ODAD2: variants seen among roughly 807,000 people sequenced by gnomAD.
The protein encoded by ODAD2 is outer dynein arm-docking complex subunit 2.
A neutral mutation model predicts 106.8 loss-of-function variants in ODAD2; 89 were observed. That is an observed-to-expected ratio of 0.83 (90% CI 0.70 to 0.99). ODAD2 has a LOEUF of 0.99. Among genes scored for constraint, ODAD2 ranks in the 50% least tolerant of loss-of-function variants. The pLI is 0.00. For synonymous variants in ODAD2, 404 were observed against 436.2 expected (o/e 0.93, Z 0.92); for missense variants, 1,168 against 1,238.5 (o/e 0.94, Z 0.85).
intron 1 of ODAD2, among the ~76,000 whole-genome samples, chr10:27,998,170 A>G (rs1437649362): frequency 6.6e-6 from 1 of 152,216 alleles, no homozygotes; most frequent in African/African-American, 2.4e-5. Context: ...GATCTATGAA[A>G]TGTGGTTGGT....
chr10:27,880,012 C>T lies in ODAD2; in HGVS notation c.2611-17390G>A, dbSNP rs1382378998. Among the ~76,000 whole-genome samples the T allele has an allele frequency of 5.9e-5, 9 of 152,240 alleles. No individual in the cohort carries two copies. In the South Asian group the frequency reaches 1.5e-3, roughly 25 times the overall value. On this transcript the variant is annotated intron_variant, in intron 17 of 19. Coordinates refer to ENST00000305242, the MANE Select transcript of ODAD2 (RefSeq NM_018076.5). ...GTGGTCCGACAAGAGCAGAGTGTAG[C>T]GGAATTCTTATCTTCTATGATCTAG...
At chr10:27,874,604 T>C (rs1256142712) in intron 17 of ODAD2, among the ~76,000 whole-genome samples, 1 of 152,212 alleles carries the variant, frequency 6.6e-6, no homozygotes, top group Non-Finnish European at 1.5e-5. Context: ...TATTTCTCCT[T>C]CACTTATGAA....
chr10:27,966,503 T>C (rs1848497923), intron 9 of ODAD2, among the ~76,000 whole-genome samples: 1 of 152,180 alleles, frequency 6.6e-6, no homozygotes. Context: ...AATCCTTTGA[T>C]AGCTAACTTT....
intron 6 of ODAD2, chr10:27,981,802 T>C: frequency 2.7e-6 from 1 of 366,248 alleles, no homozygotes; most frequent in Non-Finnish European, 4.8e-6. Flanking sequence ...CAATTGTTCA[T>C]TCATTCAGCA....
At chr10:27,824,618 G>A (rs1836895605) in intron 19 of ODAD2, among the ~76,000 whole-genome samples, 1 of 152,150 alleles carries the variant, frequency 6.6e-6, no homozygotes, top group Non-Finnish European at 1.5e-5. Context: ...GGTAAGCAAA[G>A]ACATGAATTA....
rs564315328 is a variant in ODAD2 at position 27,944,144 on chromosome 10, T to A, written c.1743+78A>T. 2.7e-5 allele frequency: 34 copies of A among 1,265,414 alleles called. No homozygotes were observed. The South Asian group carries it at 4.2e-4, about 16-fold the overall frequency. 78.4% of individuals were successfully genotyped at this position (1,265,414 alleles called of 1,614,324 possible). On this transcript the variant is annotated intron_variant, in intron 12 of 19. Coordinates refer to ENST00000305242, the MANE Select transcript of ODAD2 (RefSeq NM_018076.5). ...TCTCATGGCTATGGAATTTCCAGCG[T>A]GGCCAGAAAGGACAGCAAGGAGCTG... is the stretch of plus-strand genomic sequence containing the variant.
chr10:27,869,527 CT>C (rs1273256511), intron 17 of ODAD2, among the ~76,000 whole-genome samples: 2 of 131,472 alleles, frequency 1.5e-5, no homozygotes. Flanking sequence ...ACTTTTTTTT[CT>C]TTTTTCTTTT....
chr10:27,902,487 C>CA (rs1056344600), intron 17 of ODAD2, among the ~76,000 whole-genome samples: 105 of 152,090 alleles, frequency 6.9e-4, no homozygotes, highest in African/African-American at 2.1e-3. Flanking sequence ...AAAAACTCTT[C>CA]AAAAAATCAA....
chr10:27,872,091 C>A (rs1406950034), intron 17 of ODAD2, among the ~76,000 whole-genome samples: 2 of 151,932 alleles, frequency 1.3e-5, no homozygotes, highest in East Asian at 3.9e-4. Flanking sequence ...AAGTTGGATC[C>A]CTAGGTATTT....
chr10:27,894,277 G>A (rs7100494), intron 17 of ODAD2, among the ~76,000 whole-genome samples: 100,797 of 151,824 alleles, frequency 0.66, 33,770 homozygotes, highest in Middle Eastern at 0.74. Flanking sequence ...ACCAAGTGGG[G>A]AAAGTTTTGG....
intron 17 of ODAD2, among the ~76,000 whole-genome samples, chr10:27,868,233 G>T (rs1181324969): frequency 1.3e-5 from 2 of 152,158 alleles, no homozygotes; most frequent in Non-Finnish European, 2.9e-5. Flanking sequence ...GTTGGTGGGA[G>T]TGTAAATTAG....
chr10:27,897,190 C>T (rs1564478433), intron 17 of ODAD2, among the ~76,000 whole-genome samples: 2 of 152,070 alleles, frequency 1.3e-5, no homozygotes, highest in Admixed American at 1.3e-4. Flanking sequence ...CTTTACTTCA[C>T]TCTGTCATTG....
Position 27,998,557 on chromosome 10 carries a change from G to A in ODAD2, c.-39+437C>T, listed in dbSNP as rs529360321. Reference sequence around the variant, plus strand: ...TGATGGGGCCGAGGTAGTGCAGAGAGGGGCGCAGGGACTGAGGAGCAGACG... The same window carrying A: ...TGATGGGGCCGAGGTAGTGCAGAGAAGGGCGCAGGGACTGAGGAGCAGACG... On this transcript the variant is annotated intron_variant, in intron 1 of 19. Coordinates refer to ENST00000305242, the MANE Select transcript of ODAD2 (RefSeq NM_018076.5). 5.3e-5 allele frequency among the ~76,000 whole-genome samples: 8 copies of A among 152,104 alleles called. No individual in the cohort carries two copies. The South Asian group carries it at 1.0e-3, about 20-fold the overall frequency.
At chr10:27,934,916 G>A (rs1845856473) in intron 16 of ODAD2, 94 bp downstream of exon 16, 6 of 1,413,032 alleles carry the variant, frequency 4.2e-6, no homozygotes, top group Non-Finnish European at 5.9e-6. Flanking sequence ...CATCATTCGT[G>A]CACATCAATT....
intron 19 of ODAD2, among the ~76,000 whole-genome samples, chr10:27,821,475 A>G (rs945964265): frequency 1.3e-5 from 2 of 152,204 alleles, no homozygotes; most frequent in African/African-American, 4.8e-5. Context: ...TCATTTTCCT[A>G]CGAGCCTCAC....
intron 7 of ODAD2, among the ~76,000 whole-genome samples, chr10:27,975,283 T>G (rs2133038378): frequency 6.6e-6 from 1 of 151,670 alleles, no homozygotes; most frequent in South Asian, 2.1e-4. Context: ...GAAATAAGAG[T>G]AAATAAACCC....
At chr10:27,955,696 GGT>G (rs56731384) in intron 10 of ODAD2, among the ~76,000 whole-genome samples, 10,466 of 142,728 alleles carry the variant, frequency 0.073, 359 homozygotes, top group African/African-American at 0.08. Context: ...AACCAATTAA[GGT>G]GTGTGTGTGT....
chr10:27,934,529 G>A (rs1411296767), intron 16 of ODAD2, among the ~76,000 whole-genome samples: 1 of 150,642 alleles, frequency 6.6e-6, no homozygotes, highest in Non-Finnish European at 1.5e-5. Context: ...TTCTTAAATT[G>A]TCTTTTCTTC....
At chr10:27,974,061 T>C (rs186439480) in intron 7 of ODAD2, among the ~76,000 whole-genome samples, 8 of 152,388 alleles carry the variant, frequency 5.2e-5, no homozygotes, top group Admixed American at 3.3e-4. Context: ...CACATGCTTG[T>C]TGGCCACATG....
Sources: gnomAD v4.1 joint callset for allele counts (sites outside exome capture counted in the v4.1 genomes callset) on GRCh38, gnomAD v4.1.1 for gene constraint, MANE v1.5 for transcripts, NCBI Gene and HGNC (gene_info 2026-07-23, HGNC 2026-07-21) for gene names.